Variants in AGTPBP1 observed in about 807,000 individuals in gnomAD.
AGTPBP1 encodes cytosolic carboxypeptidase 1.
In AGTPBP1, 70 loss-of-function variants were observed where a neutral mutation model predicts 143.9. That is an observed-to-expected ratio of 0.49 (90% CI 0.40 to 0.59). AGTPBP1 has a LOEUF of 0.59. AGTPBP1 is among the 20% of genes least tolerant of loss of function. The pLI, the probability that AGTPBP1 is intolerant of heterozygous loss-of-function variation, is 0.00. For synonymous variants in AGTPBP1, 463 were observed against 500.2 expected, an observed-to-expected ratio of 0.93 and a Z score of 0.99; for missense variants, 1,229 against 1,464.5, an observed-to-expected ratio of 0.84 and a Z score of 2.62.
At chr9:85,786,911 TATATA>T in the AGTPBP1 span, among the ~76,000 whole-genome samples, 3 of 152,200 alleles carry the variant, frequency 2.0e-5, no homozygotes, top group East Asian at 1.9e-4. Context: ...TATGTATTAC[TATATA>T]ATATAAATGT....
intron 2 of AGTPBP1, among the ~76,000 whole-genome samples, chr9:85,699,185 T>C (rs1259081117): frequency 2.0e-5 from 3 of 152,204 alleles, no homozygotes; most frequent in Non-Finnish European, 4.4e-5. Flanking sequence ...GGTCTCACTA[T>C]ATGCTGCCCA....
intron 25 of AGTPBP1, among the ~76,000 whole-genome samples, chr9:85,548,352 A>T (rs1825842166): frequency 6.6e-6 from 1 of 152,218 alleles, no homozygotes; most frequent in South Asian, 2.1e-4. Flanking sequence ...AGAAGTTTGC[A>T]AGACTCATCC....
chr9:85,750,433 C>T, the AGTPBP1 span, among the ~76,000 whole-genome samples: 4 of 152,092 alleles, frequency 2.6e-5, no homozygotes, highest in Admixed American at 6.5e-5. Flanking sequence ...GTGAGTGCAC[C>T]TCTCTTCTAT....
the AGTPBP1 span, among the ~76,000 whole-genome samples, chr9:85,771,283 T>C: frequency 6.6e-6 from 1 of 152,244 alleles, no homozygotes; most frequent in Admixed American, 6.5e-5. Flanking sequence ...GAGAATCACT[T>C]GAGCCCAGAA....
intron 24 of AGTPBP1, among the ~76,000 whole-genome samples, chr9:85,578,000 T>C (rs1281301047): frequency 6.6e-6 from 1 of 152,172 alleles, no homozygotes; most frequent in Non-Finnish European, 1.5e-5. Flanking sequence ...CAAGATCCTC[T>C]TTCCCCATAA....
chr9:85,549,881 T>C (rs535345332), intron 25 of AGTPBP1, among the ~76,000 whole-genome samples: 1 of 152,368 alleles, frequency 6.6e-6, no homozygotes, highest in Non-Finnish European at 1.5e-5. Context: ...AGAACTCCAT[T>C]CATTTCTTGA....
chr9:85,590,364 A>G (rs1828881315), intron 19 of AGTPBP1, among the ~76,000 whole-genome samples: 1 of 152,172 alleles, frequency 6.6e-6, no homozygotes, highest in Non-Finnish European at 1.5e-5. Flanking sequence ...ATAAACATAT[A>G]TATTCCTAAT....
intron 7 of AGTPBP1, among the ~76,000 whole-genome samples, chr9:85,669,785 C>A (rs772085305): frequency 7.5e-6 from 1 of 133,112 alleles, no homozygotes; most frequent in African/African-American, 3.0e-5. Flanking sequence ...AATTCTGAAA[C>A]GAGTTATATG....
At chr9:85,796,318 A>C in the AGTPBP1 span, among the ~76,000 whole-genome samples, 4 of 152,208 alleles carry the variant, frequency 2.6e-5, no homozygotes, top group African/African-American at 9.7e-5. Flanking sequence ...TCTTCATATT[A>C]GGCTGCACAG....
At chr9:85,741,333 G>C (rs1824251089) in intron 1 of AGTPBP1, 9 of 985,306 alleles carry the variant, frequency 9.1e-6, no homozygotes, top group Non-Finnish European at 1.1e-5. Context: ...GCGATTCAGC[G>C]GCCCGCTACC....
At chr9:85,629,660 T>G (rs887742284) in intron 14 of AGTPBP1, among the ~76,000 whole-genome samples, 1 of 152,210 alleles carries the variant, frequency 6.6e-6, no homozygotes, top group Non-Finnish European at 1.5e-5. Context: ...ATCATGCATT[T>G]AACTATAATA....
intron 1 of AGTPBP1, among the ~76,000 whole-genome samples, chr9:85,729,871 A>C (rs1838764699): frequency 6.6e-6 from 1 of 152,198 alleles, no homozygotes; most frequent in African/African-American, 2.4e-5. Context: ...TATCAAAAAG[A>C]CAAGAGACCT....
At chr9:85,779,234 T>C in the AGTPBP1 span, among the ~76,000 whole-genome samples, 2 of 130,484 alleles carry the variant, frequency 1.5e-5, no homozygotes, top group Admixed American at 8.8e-5. Flanking sequence ...GATATAGATA[T>C]AGATATAGAT....
At chr9:85,596,126 G>A (rs1273641168) in intron 18 of AGTPBP1, among the ~76,000 whole-genome samples, 5 of 152,148 alleles carry the variant, frequency 3.3e-5, no homozygotes, top group Non-Finnish European at 4.4e-5. Flanking sequence ...TCTCTAAGTG[G>A]TGGAGACACA....
intron 1 of AGTPBP1, among the ~76,000 whole-genome samples, chr9:85,718,733 A>C (rs1837891051): frequency 6.6e-6 from 1 of 152,144 alleles, no homozygotes; most frequent in African/African-American, 2.4e-5. Context: ...TTTAGTCATG[A>C]AATGTTTGCC....
At chr9:85,592,837 A>G (rs1829058771) in intron 18 of AGTPBP1, 133 bp from the exon 19 acceptor site, 8 of 1,035,566 alleles carry the variant, frequency 7.7e-6, no homozygotes, top group Admixed American at 2.5e-5. Context: ...TAAATACCCT[A>G]TTTTAAAAAA....
At chr9:85,721,939 G>A (rs1277218552) in intron 1 of AGTPBP1, among the ~76,000 whole-genome samples, 1 of 152,018 alleles carries the variant, frequency 6.6e-6, no homozygotes, top group Non-Finnish European at 1.5e-5. Flanking sequence ...AAGCTTAGTT[G>A]GCTAGATATG....
chr9:85,612,989 A>T (rs186672459), intron 17 of AGTPBP1, among the ~76,000 whole-genome samples: 1 of 152,206 alleles, frequency 6.6e-6, no homozygotes, highest in East Asian at 1.9e-4. Flanking sequence ...CCAGATATTA[A>T]GCCACAAAAA....
At chr9:85,767,348 A>ATT in the AGTPBP1 span, among the ~76,000 whole-genome samples, 3 of 105,124 alleles carry the variant, frequency 2.9e-5, no homozygotes, top group Admixed American at 1.9e-4. Context: ...TGCCCAGCTA[A>ATT]TTTTTTTTTT....
Sources: gnomAD v4.1 joint callset for allele counts (sites outside exome capture counted in the v4.1 genomes callset) on GRCh38, gnomAD v4.1.1 for gene constraint, MANE v1.5 for transcripts, NCBI Gene and HGNC (gene_info 2026-07-23, HGNC 2026-07-21) for gene names.